Variants in RNF40 observed in about 807,000 individuals in gnomAD.
The protein encoded by RNF40 is E3 ubiquitin-protein ligase BRE1B.
In RNF40, 39 loss-of-function variants were observed where a neutral mutation model predicts 123.3. The ratio of observed to expected loss-of-function variants is 0.32; its 90% CI spans 0.24 to 0.41. RNF40 has a LOEUF of 0.41. Ranked by LOEUF, RNF40 falls within the 10% of genes least tolerant of loss-of-function variation. RNF40 has a pLI of 1.00. For missense variants in RNF40, 1,003 were observed against 1,319.9 expected, an observed-to-expected ratio of 0.76 and a Z score of 3.72; for synonymous variants, 538 against 526.0, an observed-to-expected ratio of 1.02 and a Z score of -0.31.
At chr16:30,763,702 T>A in intron 4 of RNF40, 143 bp downstream of exon 4, 1 of 869,934 alleles carries the variant, frequency 1.1e-6, no homozygotes, top group Non-Finnish European at 1.8e-6. Flanking sequence ...TAAAGTGCAG[T>A]GCACAAAAAC....
intron 19 of RNF40, 118 bp downstream of exon 19, chr16:30,772,308 G>C: frequency 1.2e-6 from 1 of 820,888 alleles, no homozygotes; most frequent in East Asian, 2.7e-5. Context: ...AAAGTGGGCA[G>C]CACAGTGGTC....
chr16:30,768,798 G>C lies in RNF40; in HGVS notation c.2098-40G>C. ...GCAGAGCAGAGTCCTAGCTCAGCAG[G>C]AAGCAGTGTCAAGAGAGTTTCTTCT... is the stretch of plus-strand genomic sequence containing the variant. On this transcript the variant is annotated intron_variant, in intron 14 of 19. Coordinates refer to ENST00000324685, the MANE Select transcript of RNF40 (RefSeq NM_014771.4). The surrounding 1 kb of genome is among the most constrained non-coding windows in gnomAD (Gnocchi z 4.1). 1 of 1,614,142 alleles carries C rather than the reference G, an allele frequency of 6.2e-7. No homozygotes were observed. The highest frequency in any genetic ancestry group is 8.5e-7 in the Non-Finnish European group (1 of 1,180,024).
intron 17 of RNF40, among the ~76,000 whole-genome samples, chr16:30,771,013 T>G (rs1015239178): frequency 3.9e-4 from 59 of 152,290 alleles, no homozygotes; most frequent in African/African-American, 1.3e-3. Flanking sequence ...CTTGGCCCAT[T>G]TAAGCAGCAT....
chr16:30,767,845 C>T, intron 11 of RNF40, 49 bp from the exon 12 acceptor site: 1 of 1,613,746 alleles, frequency 6.2e-7, no homozygotes, highest in Non-Finnish European at 8.5e-7. Context: ...GGTTGGAGTC[C>T]TAACCCAGGA....
At chr16:30,773,638 A>C (rs2054185065) in intron 19 of RNF40, 1 of 301,244 alleles carries the variant, frequency 3.3e-6, no homozygotes, top group Non-Finnish European at 6.1e-6. Flanking sequence ...GTGGGGCAGG[A>C]GATGAAGCCC....
chr16:30,764,354 G>A lies in RNF40; in HGVS notation c.618G>A (p.Val206=). ...CCTCAGACCGCCTACAGCGCCGGGT[G>A]GAGGAACTCTGTCAGCGAGTGTACA... ...VEASDRLQRR[V]EELCQRVYSR... Residue 206 remains valine, a synonymous_variant, in exon 5 of 20, where the codon GTG becomes GTA. Transcript: ENST00000324685. 1.2e-6 allele frequency: 2 copies of A among 1,613,590 alleles called. No homozygotes were observed. Among genetic ancestry groups the A allele is most frequent in the Non-Finnish European group, 1.7e-6 (2 of 1,179,964 alleles).
chr16:30,767,331 A>G (rs1596751935), intron 11 of RNF40, among the ~76,000 whole-genome samples: 2 of 152,178 alleles, frequency 1.3e-5, no homozygotes, highest in African/African-American at 4.8e-5. Flanking sequence ...ACAGATAGGA[A>G]AGTAAAGCAG....
chr16:30,764,455 T>A, intron 5 of RNF40, 70 bp downstream of exon 5: 1 of 1,368,008 alleles, frequency 7.3e-7, no homozygotes, highest in Non-Finnish European at 1.0e-6. Context: ...CCCTTCCTGA[T>A]TCCCCTAATG....
At chr16:30,770,120 T>TGGA (rs71149050) in intron 17 of RNF40, among the ~76,000 whole-genome samples, 6 of 18,854 alleles carry the variant, frequency 3.2e-4, no homozygotes, top group African/African-American at 5.2e-4. Context: ...AAACAAAAGA[T>TGGA]TTTTGAGTTG....
chr16:30,762,059 A>T, upstream of RNF40: 1 of 433,786 alleles, frequency 2.3e-6, no homozygotes. Context: ...CAGGTTGCTA[A>T]TACGAGGGCC....
chr16:30,774,544 T>A lies in RNF40; in HGVS notation c.*430T>A. On this transcript the variant is annotated 3_prime_UTR_variant, in exon 20 of 20. Coordinates refer to ENST00000324685, the MANE Select transcript of RNF40 (RefSeq NM_014771.4). ...GACCAGTGAGCCATGTCCTTGTTCC[T>A]TGTTTGAGACTGGGCTGCAGGCCCC... 4.5e-6 allele frequency: 1 copy of A among 222,244 alleles called. No individual in the cohort carries two copies. The highest frequency in any genetic ancestry group is 6.5e-5 in the South Asian group (1 of 15,362). The allele number at this position is 222,244 out of a possible 1,614,324, so 13.8% of individuals were successfully genotyped here.
intron 17 of RNF40, among the ~76,000 whole-genome samples, 157 bp from the exon 18 acceptor site, chr16:30,771,676 G>A (rs1350149254): frequency 6.6e-6 from 1 of 152,118 alleles, no homozygotes; most frequent in East Asian, 1.9e-4. Context: ...AACTGGAGAG[G>A]GAGAACAGGA....
rs191498731 is a variant in RNF40, at chr16:30,770,924, C to T, written c.2587-909C>T. Among the ~76,000 whole-genome samples the T allele has an allele frequency of 5.9e-5, 9 of 152,254 alleles. No individual in the cohort carries two copies. The East Asian group carries it at 1.7e-3, about 30-fold the overall frequency. Reference sequence around the variant, plus strand: ...ACGGGGTTTCACTGTGTTTGCCAGGCTGGTCTCAAACTCCTGACATCGTGA... The same window carrying T: ...ACGGGGTTTCACTGTGTTTGCCAGGTTGGTCTCAAACTCCTGACATCGTGA... On this transcript the variant is annotated intron_variant, in intron 17 of 19. Coordinates refer to ENST00000324685, the MANE Select transcript of RNF40 (RefSeq NM_014771.4).
At chr16:30,765,548 C>T (rs986381917) in intron 8 of RNF40, 49 bp downstream of exon 8, 2 of 1,538,006 alleles carry the variant, frequency 1.3e-6, no homozygotes, top group Non-Finnish European at 1.8e-6. Context: ...TTCTCTGTTG[C>T]ACTCTTGAAA....
chr16:30,769,687 G>A (rs2054112418), intron 17 of RNF40, 87 bp downstream of exon 17: 15 of 1,406,168 alleles, frequency 1.1e-5, no homozygotes, highest in South Asian at 1.5e-5. Flanking sequence ...CGATGCAATA[G>A]CCTGAGGTGA....
intron 1 of RNF40, 48 bp downstream of exon 1, chr16:30,762,408 GGGT>G: frequency 1.1e-6 from 1 of 915,038 alleles, no homozygotes; most frequent in Non-Finnish European, 1.6e-6. Flanking sequence ...GGTGTGTGCA[GGGT>G]GGAGGGTGTT....
At chr16:30,771,710 G>A in intron 17 of RNF40, 123 bp from the exon 18 acceptor site, 2 of 1,081,158 alleles carry the variant, frequency 1.8e-6, no homozygotes, top group Non-Finnish European at 2.6e-6. Context: ...GGCTCAGGAG[G>A]CAGGAGCAGC....
At chr16:30,765,817 A>G (rs2054018716) in intron 8 of RNF40, among the ~76,000 whole-genome samples, 1 of 152,250 alleles carries the variant, frequency 6.6e-6, no homozygotes, top group African/African-American at 2.4e-5. Context: ...GTGTGTTATG[A>G]GTACCACAAA....
rs746710666 is a variant in RNF40, at chr16:30,766,690, C to G, written c.1294-51C>G. On this transcript the variant is annotated intron_variant, in intron 10 of 19. Coordinates refer to ENST00000324685, the MANE Select transcript of RNF40 (RefSeq NM_014771.4). The surrounding 1 kb of genome is among the most constrained non-coding windows in gnomAD (Gnocchi z 5.4). ...ATAGATTCTTCCTAAGATACTGAGT[C>G]CTGAGGTGGGACCGAGGGGCTGTGT... The G allele has an allele frequency of 3.7e-6, 6 of 1,610,466 alleles. No individual in the cohort carries two copies. In the East Asian group the frequency reaches 1.3e-4, roughly 36 times the overall value.
Sources: allele counts gnomAD v4.1 joint callset (sites outside exome capture counted in the v4.1 genomes callset), GRCh38; gene constraint gnomAD v4.1.1; non-coding constraint Gnocchi (gnomAD v3.1); transcripts MANE v1.5; gene names NCBI Gene and HGNC (gene_info 2026-07-23, HGNC 2026-07-21).